N4BP2: variants seen among roughly 807,000 people sequenced by gnomAD.
The protein encoded by N4BP2 is NEDD4 binding protein 2.
N4BP2 carries 91 observed loss-of-function variants against 152.8 expected under a neutral mutation model. The observed-to-expected ratio is 0.60, with a 90% confidence interval of 0.50 to 0.71. The LOEUF (loss-of-function observed/expected upper bound fraction) is 0.71, where lower values mean the gene tolerates loss of function less well. Ranked by LOEUF, N4BP2 falls within the 30% of genes least tolerant of loss-of-function variation. The pLI, the probability that N4BP2 is intolerant of heterozygous loss-of-function variation, is 0.00. For synonymous variants in N4BP2, 646 were observed against 705.3 expected (o/e 0.92, Z 1.33); for missense variants, 1,923 against 2,059.1 (o/e 0.93, Z 1.28).
At chr4:40,107,958 C>CT (rs1716482519) in intron 5 of N4BP2, among the ~76,000 whole-genome samples, 1 of 149,090 alleles carries the variant, frequency 6.7e-6, no homozygotes, top group Non-Finnish European at 1.5e-5. Flanking sequence ...GTATCTCGCT[C>CT]TGTTGCCCTG....
chr4:40,117,044 G>C (rs1173234462), intron 7 of N4BP2, among the ~76,000 whole-genome samples: 1 of 152,004 alleles, frequency 6.6e-6, no homozygotes, highest in Non-Finnish European at 1.5e-5. Context: ...TCAGTACTAT[G>C]TTTCTAGTTA....
At chr4:40,063,668 A>G (rs187056527) in intron 1 of N4BP2, among the ~76,000 whole-genome samples, 79 of 151,938 alleles carry the variant, frequency 5.2e-4, no homozygotes, top group African/African-American at 1.8e-3. Context: ...TTTGAGACGG[A>G]GTTTTGCTCT....
chr4:40,109,441 G>C (rs1716649065), intron 5 of N4BP2, among the ~76,000 whole-genome samples: 1 of 152,084 alleles, frequency 6.6e-6, no homozygotes, highest in East Asian at 1.9e-4. Context: ...ACATTGGCTG[G>C]GCGCGGTGGC....
At chr4:40,150,476 G>A (rs969897405) in intron 16 of N4BP2, among the ~76,000 whole-genome samples, 1 of 152,084 alleles carries the variant, frequency 6.6e-6, no homozygotes, top group African/African-American at 2.4e-5. Flanking sequence ...AGACCAGCCT[G>A]GCCAACATGG....
the N4BP2 span, among the ~76,000 whole-genome samples, chr4:40,165,261 G>A: frequency 2.0e-5 from 3 of 151,594 alleles, no homozygotes; most frequent in South Asian, 2.1e-4. Flanking sequence ...AAATCAATCT[G>A]TACTTTTTTT....
rs1173599185 is a variant in N4BP2 at position 40,156,622 on chromosome 4, T to G, written c.*2385T>G. On this transcript the variant is annotated 3_prime_UTR_variant, in exon 18 of 18. Transcript: ENST00000261435. ...CTGTATGCCCGCAGTAAAGATAGTTTGGGGATTTTAAAAGTTTTCTCTATT... is the reference window on the plus strand; with the variant it reads ...CTGTATGCCCGCAGTAAAGATAGTTGGGGGATTTTAAAAGTTTTCTCTATT... The G allele has an allele frequency of 6.6e-6, 1 of 152,132 alleles. No individual in the cohort carries two copies. The highest frequency in any genetic ancestry group is 2.4e-5 in the African/African-American group (1 of 41,436). 9.4% of individuals were successfully genotyped at this position (152,132 alleles called of 1,614,324 possible).
At position 40,117,869 on chromosome 4, in the gene N4BP2, G is replaced by A; in HGVS notation, c.1665G>A (p.Arg555=). 1.9e-6 allele frequency: 3 copies of A among 1,596,444 alleles called. No individual in the cohort carries two copies. The highest frequency in any genetic ancestry group is 2.6e-6 in the Non-Finnish European group (3 of 1,172,352). The change falls in exon 8 of 18, where the codon AGG becomes AGA. Residue 555 remains arginine, a splice_region_variant and synonymous_variant. Transcript: ENST00000261435. The part of the protein sequence containing the change: ...WWKFKPKELA[R]RNIHGVSKEK... ...CCCTTTTTTCCCCTGGAATTTTCAG[G>A]CGTAACATTCATGGGGTAAGCAAAG...
At chr4:40,179,184 T>C in the N4BP2 span, among the ~76,000 whole-genome samples, 12 of 152,028 alleles carry the variant, frequency 7.9e-5, no homozygotes, top group Admixed American at 1.3e-4. Flanking sequence ...CTGGCTAACA[T>C]GGTGAAACCC....
intron 4 of N4BP2, among the ~76,000 whole-genome samples, chr4:40,105,444 T>C (rs745905397): frequency 6.6e-6 from 1 of 151,220 alleles, no homozygotes; most frequent in Non-Finnish European, 1.5e-5. Context: ...CCAGCCTCGG[T>C]CTCCTGAGTA....
intron 6 of N4BP2, 79 bp from the exon 7 acceptor site, chr4:40,113,353 A>T: frequency 9.6e-7 from 1 of 1,041,766 alleles, no homozygotes; most frequent in African/African-American, 1.6e-5. Flanking sequence ...TACGTTTTAC[A>T]TGCTATATAT....
chr4:40,092,013 TATATATATA>T (rs1714636555), intron 2 of N4BP2, among the ~76,000 whole-genome samples: 6 of 54,140 alleles, frequency 1.1e-4, no homozygotes, highest in South Asian at 6.6e-4. Flanking sequence ...AAAAATTATA[TATATATATA>T]TATATATATA....
chr4:40,133,466 G>T (rs1719075382), intron 13 of N4BP2, among the ~76,000 whole-genome samples: 2 of 151,934 alleles, frequency 1.3e-5, no homozygotes, highest in Non-Finnish European at 2.9e-5. Context: ...CTCCTAAGTA[G>T]CAGGGATTAC....
intron 11 of N4BP2, among the ~76,000 whole-genome samples, chr4:40,125,613 C>T (rs1223856815): frequency 3.9e-5 from 6 of 152,098 alleles, no homozygotes; most frequent in Admixed American, 1.3e-4. Flanking sequence ...TGGCCGGGTG[C>T]GGTGGCTCAC....
At chr4:40,104,389 CCTT>C (rs2109966274) in intron 4 of N4BP2, among the ~76,000 whole-genome samples, 1 of 145,270 alleles carries the variant, frequency 6.9e-6, no homozygotes, top group Non-Finnish European at 1.5e-5. Context: ...TGGAGAATGT[CCTT>C]CATAAACTTA....
At position 40,123,194 on chromosome 4, in the gene N4BP2, A is replaced by G. The variant is rs753662912; in HGVS notation, c.4266A>G (p.Lys1422=). ...ATCTGGCGAAAGTGATTCATGAGAA[A>G]TGGAAAGAATCTGTAATGGTTGGTA... The part of the protein sequence containing the change: ...DLNLAKVIHE[K]WKESVMERQR... The change falls in exon 10 of 18, where the codon AAA becomes AAG. Residue 1422 remains lysine (K), a synonymous_variant. Transcript: ENST00000261435. 1.2e-6 allele frequency: 2 copies of G among 1,611,436 alleles called. No individual in the cohort carries two copies. The highest frequency in any genetic ancestry group is 1.7e-6 in the Non-Finnish European group (2 of 1,177,718).
At chr4:40,109,083 G>A (rs1171633554) in intron 5 of N4BP2, among the ~76,000 whole-genome samples, 1 of 151,708 alleles carries the variant, frequency 6.6e-6, no homozygotes, top group South Asian at 2.1e-4. Flanking sequence ...CCGAAGTGCT[G>A]GGATTACAGA....
intron 3 of N4BP2, 27 bp from the exon 4 acceptor site, chr4:40,102,048 G>A (rs1463758218): frequency 7.2e-7 from 1 of 1,385,354 alleles, no homozygotes; most frequent in Admixed American, 2.3e-5. Flanking sequence ...TATTTTTGTT[G>A]TTGTTATTAT....
rs1718014143 is a variant in N4BP2, at chr4:40,122,300, A to G, written c.4189A>G (p.Ile1397Val). The change falls in exon 9 of 18, where the codon ATT becomes GTT. Residue 1397 changes from isoleucine to valine, a missense_variant. Physicochemically the swap from Ile to Val is conservative, Grantham distance 29. Coordinates refer to ENST00000261435, the MANE Select transcript of N4BP2 (RefSeq NM_018177.6). ...QLNELFGPVG[I>V]DSGSLTVEDC... The stretch of plus-strand genomic sequence containing the variant: ...TAATGAATTATTTGGTCCTGTTGGT[A>G]TTGATTCAGGTAAGGAAAAAGTAAA... 5.7e-6 allele frequency: 9 copies of G among 1,565,338 alleles called. No individual in the cohort carries two copies. The highest frequency in any genetic ancestry group is 7.8e-6 in the Non-Finnish European group (9 of 1,151,318).
chr4:40,160,979 A>G (rs1211092875), downstream of N4BP2, among the ~76,000 whole-genome samples: 1 of 152,144 alleles, frequency 6.6e-6, no homozygotes, highest in Non-Finnish European at 1.5e-5. Flanking sequence ...GAATAAAACA[A>G]TTTCGCCCTC....
Sources: allele counts gnomAD v4.1 joint callset (sites outside exome capture counted in the v4.1 genomes callset), GRCh38; gene constraint gnomAD v4.1.1; transcripts MANE v1.5; gene names NCBI Gene and HGNC (gene_info 2026-07-23, HGNC 2026-07-21).